The following MAP3K4 variants were observed in gnomAD, a reference collection of about 807,000 sequenced individuals.
The protein encoded by MAP3K4 is MAP three kinase 1.
A neutral mutation model predicts 185.6 loss-of-function variants in MAP3K4; 67 were observed. That is an observed-to-expected ratio of 0.36 (90% CI 0.30 to 0.44). The LOEUF (loss-of-function observed/expected upper bound fraction) is 0.44, where lower values mean the gene tolerates loss of function less well. Among genes scored for constraint, MAP3K4 ranks in the 20% least tolerant of loss-of-function variants. The pLI, the probability that MAP3K4 is intolerant of heterozygous loss-of-function variation, is 1.00. For synonymous variants in MAP3K4, 702 were observed against 710.4 expected (o/e 0.99, Z 0.19); for missense variants, 1,551 against 1,995.1 (o/e 0.78, Z 4.24).
Position 161,017,535 on chromosome 6 carries a change from G to A in MAP3K4, c.153-16724G>A, listed in dbSNP as rs1254122334. Among the ~76,000 whole-genome samples, 2 of 152,064 alleles carry A rather than the reference G, an allele frequency of 1.3e-5. No homozygotes were observed. The highest frequency in any genetic ancestry group is 2.4e-5 in the African/African-American group (1 of 41,386). On this transcript the variant is annotated intron_variant, in intron 1 of 26. Transcript: ENST00000392142. This position sits in a 1 kb window ranked among gnomAD's most constrained non-coding sequence, Gnocchi z 5.1. ...AGCCTAAGTTTTAGAGTTTTTATAT[G>A]CCTAAAAATTAGGTCCACAAAAAAT...
At chr6:160,994,620 T>C (rs749595369) in intron 1 of MAP3K4, among the ~76,000 whole-genome samples, 2 of 152,228 alleles carry the variant, frequency 1.3e-5, no homozygotes, top group Non-Finnish European at 2.9e-5. Context: ...GTCTTTTTCA[T>C]ATGATTAGTT....
rs747352031 is a variant in MAP3K4, at chr6:160,992,012, A to G, written c.81A>G (p.Pro27=). Residue 27 remains proline, a synonymous_variant, in exon 1 of 27, where the codon CCA becomes CCG. Transcript: ENST00000392142. ...CCGCCGCCATGGAGGAGCCGCCGCCACCGCCGCCGCCGCCACCACCGCCAC... is the reference window on the plus strand; with the variant it reads ...CCGCCGCCATGGAGGAGCCGCCGCCGCCGCCGCCGCCGCCACCACCGCCAC... ...TPAAAMEEPP[P]PPPPPPPPPE... The G allele has an allele frequency of 2.7e-5, 42 of 1,539,652 alleles. No individual in the cohort carries two copies. In the African/African-American group the frequency reaches 4.7e-4, roughly 17 times the overall value.
chr6:161,097,117 T>G lies in MAP3K4; in HGVS notation c.3465T>G (p.Pro1155=). Residue 1155 remains proline, a synonymous_variant, in exon 16 of 27, where the codon CCT becomes CCG. Coordinates refer to ENST00000392142, the MANE Select transcript of MAP3K4 (RefSeq NM_005922.4). The surrounding 1 kb of genome is among the most constrained non-coding windows in gnomAD (Gnocchi z 4.9). ...HRNSPRPMKV[P]RCHSDPPNPH... The stretch of plus-strand genomic sequence containing the variant: ...ACAGCCCCCGTCCTATGAAGGTACC[T>G]CGATGCCATAGTGACCCTCCTAACC... The G allele has an allele frequency of 6.2e-7, 1 of 1,614,170 alleles. No individual in the cohort carries two copies. Among genetic ancestry groups the G allele is most frequent in the Non-Finnish European group, 8.5e-7 (1 of 1,180,030 alleles).
chr6:160,992,421 C>A, intron 1 of MAP3K4: 1 of 382,226 alleles, frequency 2.6e-6, no homozygotes, highest in South Asian at 4.1e-5. Context: ...GGAAGAGTGG[C>A]CTCACTGAAG....
chr6:161,033,506 A>G (rs1178447614), intron 1 of MAP3K4, among the ~76,000 whole-genome samples: 1 of 151,418 alleles, frequency 6.6e-6, no homozygotes, highest in African/African-American at 2.4e-5. Context: ...GGTGAAAAGA[A>G]ACAATTTTGT....
At chr6:160,999,967 T>A (rs904239286) in intron 1 of MAP3K4, among the ~76,000 whole-genome samples, 1 of 152,200 alleles carries the variant, frequency 6.6e-6, no homozygotes, top group Non-Finnish European at 1.5e-5. Flanking sequence ...GAAGAGCCAA[T>A]GCTCAGAAAT....
At chr6:161,004,086 A>C (rs1487153713) in intron 1 of MAP3K4, among the ~76,000 whole-genome samples, 1 of 135,400 alleles carries the variant, frequency 7.4e-6, no homozygotes, top group Non-Finnish European at 1.6e-5. Flanking sequence ...TCAGAGAAAG[A>C]GATTCTGTAA....
intron 1 of MAP3K4, among the ~76,000 whole-genome samples, chr6:160,994,095 G>A (rs532795266): frequency 1.3e-5 from 2 of 150,840 alleles, no homozygotes; most frequent in South Asian, 2.1e-4. Context: ...CTCAGTGTAC[G>A]TGTTCAAAAT....
intron 1 of MAP3K4, among the ~76,000 whole-genome samples, chr6:160,997,954 G>T (rs1171099317): frequency 6.6e-6 from 1 of 152,148 alleles, no homozygotes; most frequent in Non-Finnish European, 1.5e-5. Context: ...AGAGGACCTG[G>T]TCTCAGAGAG....
chr6:161,071,403 A>T lies in MAP3K4; in HGVS notation c.1950+553A>T, dbSNP rs1400525070. On this transcript the variant is annotated intron_variant, in intron 4 of 26. Transcript: ENST00000392142. The surrounding 1 kb of genome is among the most constrained non-coding windows in gnomAD (Gnocchi z 4.6). Reference sequence around the variant, plus strand: ...AGAGTGAGTGCTGAAGAGGGTCTGTATTTATTATTTATGATATTAACATAT... The same window carrying T: ...AGAGTGAGTGCTGAAGAGGGTCTGTTTTTATTATTTATGATATTAACATAT... Among the ~76,000 whole-genome samples the T allele has an allele frequency of 6.6e-6, 1 of 152,202 alleles. No individual in the cohort carries two copies. Among genetic ancestry groups the T allele is most frequent in the Non-Finnish European group, 1.5e-5 (1 of 68,040 alleles).
At chr6:161,021,620 C>T (rs1391552813) in intron 1 of MAP3K4, among the ~76,000 whole-genome samples, 1 of 152,214 alleles carries the variant, frequency 6.6e-6, no homozygotes, top group African/African-American at 2.4e-5. Flanking sequence ...ACTTTGTTCC[C>T]TGTAATCTTC....
chr6:161,049,539 G>C lies in MAP3K4; in HGVS notation c.1267G>C (p.Gly423Arg). The C allele has an allele frequency of 6.2e-7, 1 of 1,614,162 alleles. No individual in the cohort carries two copies. The highest frequency in any genetic ancestry group is 8.5e-7 in the Non-Finnish European group (1 of 1,180,002). The change falls in exon 3 of 27, where the codon GGC becomes CGC. Residue 423 changes from glycine (G) to arginine (R), a missense_variant. Physicochemically the swap from Gly to Arg is moderately radical, Grantham distance 125. This residue lies in a region of MAP3K4 where 24 missense variants were observed against 48.5 expected (regional missense o/e 0.49). Transcript: ENST00000392142. This position sits in a 1 kb window ranked among gnomAD's most constrained non-coding sequence, Gnocchi z 8.4. Reference sequence around the variant, plus strand: ...GGGCATCAAGAATTTATCAGACATTGGCTGGCCAGTGTTTGAAATCCCTTC... The same window carrying C: ...GGGCATCAAGAATTTATCAGACATTCGCTGGCCAGTGTTTGAAATCCCTTC... ...VLGIKNLSDI[G>R]WPVFEIPSPR... is the part of the protein sequence containing the mutation.
Position 161,117,083 on chromosome 6 carries a change from G to C in MAP3K4, c.*213G>C. 1 of 592,800 alleles carries C rather than the reference G, an allele frequency of 1.7e-6. No homozygotes were observed. Among genetic ancestry groups the C allele is most frequent in the Non-Finnish European group, 3.0e-6 (1 of 332,566 alleles). 36.7% of individuals were successfully genotyped at this position (592,800 alleles called of 1,614,324 possible). On this transcript the variant is annotated 3_prime_UTR_variant, in exon 27 of 27. Transcript: ENST00000392142. Reference sequence around the variant, plus strand: ...TGGTGGCCACGAGGTTAAAGAAGCTGCATGTTAAGTGCCATTACTACTGTA... The same window carrying C: ...TGGTGGCCACGAGGTTAAAGAAGCTCCATGTTAAGTGCCATTACTACTGTA...
In MAP3K4 at chr6:161,098,604, A is replaced by G. The variant is rs890361189; in HGVS notation, c.3674+177A>G. The stretch of plus-strand genomic sequence containing the variant: ...CCCAGAGGCTCTGGCACTGACCAAC[A>G]CGAATGGATAACTGTCTGATGTCAG... On this transcript the variant is annotated intron_variant, in intron 17 of 26. Transcript: ENST00000392142. This position sits in a 1 kb window ranked among gnomAD's most constrained non-coding sequence, Gnocchi z 4.4. Among the ~76,000 whole-genome samples, 6 of 152,242 alleles carry G rather than the reference A, an allele frequency of 3.9e-5. No individual in the cohort carries two copies. The highest frequency in any genetic ancestry group is 1.4e-4 in the African/African-American group (6 of 41,460).
In MAP3K4 at chr6:161,108,461, C is replaced by T. The variant is rs1778204004; in HGVS notation, c.4120-282C>T. Among the ~76,000 whole-genome samples, 4 of 152,114 alleles carry T rather than the reference C, an allele frequency of 2.6e-5. No homozygotes were observed. In the South Asian group the frequency reaches 8.3e-4, roughly 32 times the overall value. ...GAGGAGTGGAGAGGGGAGGCTCCAG[C>T]GTCTTGCACTTGCCGTGGAGCCGCG... On this transcript the variant is annotated intron_variant, in intron 21 of 26. Coordinates refer to ENST00000392142, the MANE Select transcript of MAP3K4 (RefSeq NM_005922.4). This position sits in a 1 kb window ranked among gnomAD's most constrained non-coding sequence, Gnocchi z 5.7.
At position 161,070,631 on chromosome 6, in the gene MAP3K4, G is replaced by T. The variant is rs748655694; in HGVS notation, c.1731G>T (p.Met577Ile). 5.0e-6 allele frequency: 8 copies of T among 1,613,866 alleles called. No homozygotes were observed. The Admixed American group carries it at 5.0e-5, about 10-fold the overall frequency. ...AGTTTTCTGAATTTCCAGATCCCATGTGGGGTTCAGATTATGTGCAGTTGT... is the reference window on the plus strand; with the variant it reads ...AGTTTTCTGAATTTCCAGATCCCATTTGGGGTTCAGATTATGTGCAGTTGT... ...PVEFSEFPDP[M>I]WGSDYVQLSR... is the part of the protein sequence containing the mutation. Residue 577 changes from methionine (M) to isoleucine (I), a missense_variant, in exon 4 of 27, where the codon ATG (methionine) becomes ATT (isoleucine). Met to Ile is a conservative substitution (Grantham distance 10). This residue lies in a region of MAP3K4 where 86 missense variants were observed against 81.6 expected (regional missense o/e 1.05). Coordinates refer to ENST00000392142, the MANE Select transcript of MAP3K4 (RefSeq NM_005922.4). The surrounding 1 kb of genome is among the most constrained non-coding windows in gnomAD (Gnocchi z 4.5).
rs1263558136 is a variant in MAP3K4, at chr6:161,008,058, T to C, written c.152+15975T>C. On this transcript the variant is annotated intron_variant, in intron 1 of 26. Coordinates refer to ENST00000392142, the MANE Select transcript of MAP3K4 (RefSeq NM_005922.4). The surrounding 1 kb of genome is among the most constrained non-coding windows in gnomAD (Gnocchi z 4.1). ...AAAATTCTGGTAAACCCATAAAGAG[T>C]AGAAAGAAGGTAGAAAGGCAGAAAG... 6.6e-6 allele frequency among the ~76,000 whole-genome samples: 1 copy of C among 151,902 alleles called. No homozygotes were observed. Among genetic ancestry groups the C allele is most frequent in the African/African-American group, 2.4e-5 (1 of 41,344 alleles).
chr6:161,028,013 C>T (rs1782752432), intron 1 of MAP3K4, among the ~76,000 whole-genome samples: 1 of 152,182 alleles, frequency 6.6e-6, no homozygotes, highest in Non-Finnish European at 1.5e-5. Flanking sequence ...GGCTAGCTTT[C>T]CCAGCAGTAC....
Position 161,093,898 on chromosome 6 carries a change from G to A in MAP3K4, c.3427+47G>A, listed in dbSNP as rs753047282. 2.9e-6 allele frequency: 4 copies of A among 1,360,226 alleles called. No individual in the cohort carries two copies. Among genetic ancestry groups the A allele is most frequent in the Admixed American group, 1.8e-5 (1 of 57,050 alleles). 84.3% of individuals were successfully genotyped at this position (1,360,226 alleles called of 1,614,324 possible). On this transcript the variant is annotated intron_variant, in intron 15 of 26. Coordinates refer to ENST00000392142, the MANE Select transcript of MAP3K4 (RefSeq NM_005922.4). This position sits in a 1 kb window ranked among gnomAD's most constrained non-coding sequence, Gnocchi z 5.2. ...TTTCTTCTGGAACATAATGATTTGA[G>A]TGGACAGATCCTCTTGTAATTGCAG...
Sources: gnomAD v4.1 joint callset for allele counts (sites outside exome capture counted in the v4.1 genomes callset) on GRCh38, gnomAD v4.1.1 for gene constraint, gnomAD v4.1.1 regional missense constraint, Gnocchi (gnomAD v3.1) non-coding constraint, MANE v1.5 for transcripts, NCBI Gene and HGNC (gene_info 2026-07-23, HGNC 2026-07-21) for gene names.